The following PCDHGA2 variants were observed in gnomAD, a reference collection of about 807,000 sequenced individuals.
The protein encoded by PCDHGA2 is protocadherin gamma subfamily A, 2, also known as protocadherin gamma-A2.
In PCDHGA2, 40 loss-of-function variants were observed where a neutral mutation model predicts 59.2. The observed-to-expected ratio is 0.68, with a 90% CI of 0.52 to 0.88. The LOEUF is 0.88. Among genes scored for constraint, PCDHGA2 ranks in the 40% least tolerant of loss-of-function variants. The pLI is 0.00. For synonymous variants in PCDHGA2, 560 were observed against 526.0 expected, an observed-to-expected ratio of 1.06 and a Z score of -0.89; for missense variants, 1,226 against 1,204.0, an observed-to-expected ratio of 1.02 and a Z score of -0.27.
chr5:141,413,483 G>A (rs2095646690), intron 1 of PCDHGA2: 1 of 1,614,080 alleles, frequency 6.2e-7, no homozygotes, highest in East Asian at 2.2e-5. Flanking sequence ...TGCGCTCAGA[G>A]CGCGCGGTGC....
intron 1 of PCDHGA2, chr5:141,404,785 C>T (rs1028323734): frequency 1.9e-6 from 3 of 1,613,330 alleles, no homozygotes; most frequent in Admixed American, 1.7e-5. Context: ...TATTCAAGGC[C>T]AGTGAGCCAG....
At chr5:141,505,816 C>A (rs1236221927) in intron 3 of PCDHGA2, among the ~76,000 whole-genome samples, 2 of 152,178 alleles carry the variant, frequency 1.3e-5, no homozygotes, top group African/African-American at 4.8e-5. Flanking sequence ...CTTGCTCAAT[C>A]TCTCTAAACC....
At chr5:141,466,510 AT>A (rs1222513096) in intron 1 of PCDHGA2, among the ~76,000 whole-genome samples, 1 of 151,938 alleles carries the variant, frequency 6.6e-6, no homozygotes, top group Non-Finnish European at 1.5e-5. Context: ...AGACAAGATC[AT>A]TTTTTTTCCT....
intron 1 of PCDHGA2, chr5:141,376,312 G>A (rs984837472): frequency 6.2e-7 from 1 of 1,614,060 alleles, no homozygotes; most frequent in African/African-American, 1.3e-5. Flanking sequence ...TTGTGGGCGT[G>A]GAAGGGGTTC....
intron 1 of PCDHGA2, chr5:141,364,199 C>A: frequency 9.0e-7 from 1 of 1,116,560 alleles, no homozygotes; most frequent in Non-Finnish European, 1.2e-6. Context: ...ACACACAGAC[C>A]AGACAAGCTC....
chr5:141,422,470 T>C, intron 1 of PCDHGA2: 1 of 1,613,440 alleles, frequency 6.2e-7, no homozygotes, highest in Non-Finnish European at 8.5e-7. Flanking sequence ...GGACAGGGAG[T>C]TGGTCCAGAG....
At chr5:141,415,183 G>A (rs201831693) in intron 1 of PCDHGA2, 913 of 1,613,968 alleles carry the variant, frequency 5.7e-4, no homozygotes, top group Non-Finnish European at 5.1e-4. Flanking sequence ...GGCCGTGGCC[G>A]ACAGCATCCC....
At chr5:141,376,137 A>G (rs1342753731) in intron 1 of PCDHGA2, 6 of 1,613,156 alleles carry the variant, frequency 3.7e-6, no homozygotes, top group South Asian at 1.1e-5. Context: ...GCCAAACCCA[A>G]CGATTCGGAC....
intron 1 of PCDHGA2, chr5:141,351,797 C>G (rs773768523): frequency 6.2e-7 from 1 of 1,613,362 alleles, no homozygotes; most frequent in Non-Finnish European, 8.5e-7. Context: ...GGTGTTCGCG[C>G]AGCGCGCCTT....
chr5:141,509,477 G>A (rs753058277), intron 3 of PCDHGA2, among the ~76,000 whole-genome samples: 7 of 152,166 alleles, frequency 4.6e-5, no homozygotes, highest in African/African-American at 7.2e-5. Context: ...CAGGTGAGGG[G>A]TAGAGGTGAT....
At chr5:141,443,631 T>C (rs541727440) in intron 1 of PCDHGA2, among the ~76,000 whole-genome samples, 1 of 152,332 alleles carries the variant, frequency 6.6e-6, no homozygotes, top group South Asian at 2.1e-4. Context: ...ATTGTAAAAA[T>C]TGATCCAGAT....
intron 1 of PCDHGA2, chr5:141,364,139 G>A: frequency 2.0e-6 from 1 of 499,708 alleles, no homozygotes; most frequent in Admixed American, 3.8e-5. Flanking sequence ...TGACCAAAGT[G>A]GGAAAGAAGC....
intron 1 of PCDHGA2, among the ~76,000 whole-genome samples, chr5:141,434,819 A>G (rs2097719619): frequency 6.6e-6 from 1 of 151,946 alleles, no homozygotes; most frequent in Admixed American, 6.6e-5. Flanking sequence ...TATATCCCTT[A>G]GTACACTTGG....
intron 2 of PCDHGA2, among the ~76,000 whole-genome samples, chr5:141,503,954 C>T (rs2099834393): frequency 6.6e-6 from 1 of 152,186 alleles, no homozygotes; most frequent in Non-Finnish European, 1.5e-5. Flanking sequence ...GCCTACCCTA[C>T]AGCCTTTCCC....
intron 1 of PCDHGA2, among the ~76,000 whole-genome samples, chr5:141,438,458 G>A (rs1462204360): frequency 6.6e-6 from 1 of 151,538 alleles, no homozygotes. Context: ...CAATGCTTGA[G>A]TTCAATTATT....
At chr5:141,384,494 T>G (rs900386629) in intron 1 of PCDHGA2, 2 of 1,613,972 alleles carry the variant, frequency 1.2e-6, no homozygotes, top group Admixed American at 1.7e-5. Context: ...CAACTAAGAG[T>G]GACTGCACAT....
At chr5:141,399,378 C>T (rs368139061) in intron 1 of PCDHGA2, 1,186 of 1,613,874 alleles carry the variant, frequency 7.3e-4, no homozygotes, top group Non-Finnish European at 9.6e-4. Flanking sequence ...ACAATGTCAC[C>T]ATCACAGCCA....
At chr5:141,422,032 G>A in intron 1 of PCDHGA2, 1 of 1,611,280 alleles carries the variant, frequency 6.2e-7, no homozygotes, top group Non-Finnish European at 8.5e-7. Context: ...TAATGCAACG[G>A]ATCCAGACGA....
chr5:141,400,645 G>T, intron 1 of PCDHGA2: 1 of 1,239,756 alleles, frequency 8.1e-7, no homozygotes, highest in Non-Finnish European at 1.2e-6. Context: ...TGCTCAGAAA[G>T]CTGTCCTACC....
Sources: allele counts gnomAD v4.1 joint callset (sites outside exome capture counted in the v4.1 genomes callset), GRCh38; gene constraint gnomAD v4.1.1; transcripts MANE v1.5; gene names NCBI Gene and HGNC (gene_info 2026-07-23, HGNC 2026-07-21).